DLGAP2: variants seen among roughly 807,000 people sequenced by gnomAD.
DLGAP2 encodes DLG associated protein 2, also known as disks large-associated protein 2.
In DLGAP2, 26 loss-of-function variants were observed where a neutral mutation model predicts 100.3. The observed-to-expected ratio is 0.26, with a 90% CI of 0.19 to 0.36. The LOEUF (loss-of-function observed/expected upper bound fraction) is 0.36. Among genes scored for constraint, DLGAP2 ranks in the 10% least tolerant of loss-of-function variants. The pLI is 1.00. For missense variants in DLGAP2, 1,858 were observed against 1,453.2 expected (o/e 1.28, Z -4.53); for synonymous variants, 886 against 630.1 (o/e 1.41, Z -6.08).
chr8:1,392,383 T>G (rs1298024181), intron 3 of DLGAP2, among the ~76,000 whole-genome samples: 1 of 152,112 alleles, frequency 6.6e-6, no homozygotes, highest in Non-Finnish European at 1.5e-5. Context: ...TTTCTTCCCA[T>G]CAACTCGCGG....
chr8:829,907 A>G (rs534696185), intron 1 of DLGAP2, among the ~76,000 whole-genome samples: 7 of 152,336 alleles, frequency 4.6e-5, no homozygotes, highest in Admixed American at 3.3e-4. Context: ...ACCTCAGTTT[A>G]TGTACCAGTC....
chr8:989,547 T>C (rs1377780138), intron 2 of DLGAP2, among the ~76,000 whole-genome samples: 2 of 152,088 alleles, frequency 1.3e-5, no homozygotes. Context: ...TCACATGTCA[T>C]GTGTGATTGT....
intron 5 of DLGAP2, among the ~76,000 whole-genome samples, chr8:1,561,343 T>C (rs1802154350): frequency 6.6e-6 from 1 of 152,168 alleles, no homozygotes; most frequent in South Asian, 2.1e-4. Context: ...TCTGTATTCC[T>C]CTTTGAACAC....
intron 2 of DLGAP2, among the ~76,000 whole-genome samples, chr8:1,050,502 C>T (rs922101108): frequency 1.1e-4 from 16 of 152,292 alleles, no homozygotes; most frequent in African/African-American, 3.1e-4. Context: ...GTATTAAATG[C>T]ATTTTTGACT....
intron 4 of DLGAP2, among the ~76,000 whole-genome samples, chr8:1,509,714 G>T (rs1242113333): frequency 1.3e-5 from 2 of 152,156 alleles, no homozygotes; most frequent in African/African-American, 2.4e-5. Context: ...AAAGAGAAGG[G>T]ATCGTAACCT....
chr8:1,119,626 T>C (rs1192543306), intron 2 of DLGAP2, among the ~76,000 whole-genome samples: 1 of 152,244 alleles, frequency 6.6e-6, no homozygotes, highest in Non-Finnish European at 1.5e-5. Flanking sequence ...CACACGCTGT[T>C]TCCTCATGTG....
chr8:1,585,154 G>T (rs765790906), intron 6 of DLGAP2, among the ~76,000 whole-genome samples: 1 of 152,086 alleles, frequency 6.6e-6, no homozygotes, highest in Non-Finnish European at 1.5e-5. Context: ...CCTAAGACTG[G>T]CGCCTGGTTT....
chr8:1,341,451 C>G (rs865995154), intron 3 of DLGAP2, among the ~76,000 whole-genome samples: 1 of 152,190 alleles, frequency 6.6e-6, no homozygotes, highest in Non-Finnish European at 1.5e-5. Flanking sequence ...AATCACTCCT[C>G]TCTGAAACAC....
intron 3 of DLGAP2, among the ~76,000 whole-genome samples, chr8:1,458,929 A>G (rs1798394427): frequency 6.6e-6 from 1 of 152,196 alleles, no homozygotes; most frequent in South Asian, 2.1e-4. Context: ...ACCAATGTGC[A>G]AGACCAGTGT....
chr8:1,234,218 C>T (rs1288688163), intron 2 of DLGAP2, among the ~76,000 whole-genome samples: 1 of 152,230 alleles, frequency 6.6e-6, no homozygotes, highest in African/African-American at 2.4e-5. Flanking sequence ...GCTGGGACTT[C>T]TGTAACCAGT....
intron 10 of DLGAP2, among the ~76,000 whole-genome samples, chr8:1,671,727 G>A (rs1798695549): frequency 6.6e-6 from 1 of 152,236 alleles, no homozygotes; most frequent in South Asian, 2.1e-4. Context: ...TAGAGCAGAA[G>A]CCAGCGGCAA....
At chr8:1,696,572 A>G (rs551695587) in intron 13 of DLGAP2, among the ~76,000 whole-genome samples, 2 of 152,324 alleles carry the variant, frequency 1.3e-5, no homozygotes, top group East Asian at 3.9e-4. Flanking sequence ...GAAACCAAGC[A>G]CGTCTCTGGG....
intron 2 of DLGAP2, among the ~76,000 whole-genome samples, chr8:1,113,582 G>A (rs1005230963): frequency 6.6e-6 from 1 of 152,166 alleles, no homozygotes; most frequent in East Asian, 1.9e-4. Flanking sequence ...TTGTTTATCA[G>A]CTGAGAGAGC....
rs186576171 is a variant in DLGAP2, at chr8:1,265,076, C to T, written c.106+6193C>T. Among the ~76,000 whole-genome samples, 23 of 152,066 alleles carry T rather than the reference C, an allele frequency of 1.5e-4. 1 individual carries two copies. The highest frequency in any genetic ancestry group is 4.3e-4 in the African/African-American group (18 of 41,464). ...TTTTTAAAAATAAATTACCCAGTCT[C>T]GAGTATTTCTTCATAGCACTATGAA... On this transcript the variant is annotated intron_variant, in intron 3 of 14. Coordinates refer to ENST00000637795, the MANE Select transcript of DLGAP2 (RefSeq NM_001346810.2).
intron 1 of DLGAP2, among the ~76,000 whole-genome samples, chr8:840,619 C>T (rs1310888353): frequency 1.1e-3 from 56 of 51,334 alleles, no homozygotes; most frequent in Middle Eastern, 0.014. Flanking sequence ...CGAGCGCGTC[C>T]ACACGGTGCA....
chr8:853,976 A>G (rs1285644004), intron 1 of DLGAP2, among the ~76,000 whole-genome samples: 2 of 152,100 alleles, frequency 1.3e-5, no homozygotes, highest in South Asian at 2.1e-4. Flanking sequence ...GGGACCTGAG[A>G]GAGCTCCCTG....
chr8:823,991 C>T (rs1039106526), intron 1 of DLGAP2, among the ~76,000 whole-genome samples: 1 of 152,194 alleles, frequency 6.6e-6, no homozygotes, highest in Non-Finnish European at 1.5e-5. Context: ...GTCACGTCCC[C>T]TAACTCCGAA....
At position 1,523,146 on chromosome 8, in the gene DLGAP2, G is replaced by T. The variant is rs548461436; in HGVS notation, c.172+21715G>T. On this transcript the variant is annotated intron_variant, in intron 4 of 14. Transcript: ENST00000637795. ...TCACGCCACGCGTATGATAAGTTCT[G>T]GGGGGCGGGAGTGAGGAAAAGGCCC... Among the ~76,000 whole-genome samples, 68 of 152,288 alleles carry T rather than the reference G, an allele frequency of 4.5e-4. 1 individual carries two copies. In the South Asian group the frequency reaches 8.7e-3, roughly 19 times the overall value.
chr8:1,307,729 A>T (rs796339917), intron 3 of DLGAP2, among the ~76,000 whole-genome samples: 4 of 152,318 alleles, frequency 2.6e-5, no homozygotes, highest in African/African-American at 9.6e-5. Flanking sequence ...ATATAGATGA[A>T]CCCTGAAGAC....
Sources: gnomAD v4.1 joint callset for allele counts (sites outside exome capture counted in the v4.1 genomes callset) on GRCh38, gnomAD v4.1.1 for gene constraint, MANE v1.5 for transcripts, NCBI Gene and HGNC (gene_info 2026-07-23, HGNC 2026-07-21) for gene names.